Variants in TYSND1 observed in about 807,000 individuals in gnomAD.
TYSND1 encodes peroxisomal leader peptide-processing protease.
Under a neutral mutation model 37.2 loss-of-function variants are expected in TYSND1, and 30 were observed. The observed-to-expected ratio is 0.81, with a 90% CI of 0.60 to 1.09. The LOEUF (loss-of-function observed/expected upper bound fraction) is 1.09. Ranked by LOEUF, TYSND1 falls within the 50% of genes least tolerant of loss-of-function variation. TYSND1 has a pLI of 0.00. For missense variants in TYSND1, 806 were observed against 817.4 expected (o/e 0.99, Z 0.17); for synonymous variants, 364 against 383.8 (o/e 0.95, Z 0.60).
chr10:70,145,452 C>A lies in TYSND1; in HGVS notation c.1135G>T (p.Ala379Ser). 1.4e-6 allele frequency: 2 copies of A among 1,470,622 alleles called. No individual in the cohort carries two copies. Among genetic ancestry groups the A allele is most frequent in the Non-Finnish European group, 1.8e-6 (2 of 1,112,690 alleles). The allele number at this position is 1,470,622 out of a possible 1,614,324, so 91.1% of individuals were successfully genotyped here. The change falls in exon 1 of 4, where the codon GCC (alanine) becomes TCC (serine). Residue 379 changes from alanine to serine, a missense_variant. Transcript: ENST00000287078. ...GTGGTGGAGCGCACCAGGACCCTGG[C>A]TGCTTCCCGAGGGGACACGTGCCGA... Reference protein sequence around the residue: ...TCRHVSPREAARVLVRSTTPK... With the variant: ...TCRHVSPREASRVLVRSTTPK...
chr10:70,144,897 C>T (rs368796693), intron 1 of TYSND1: 8 of 506,912 alleles, frequency 1.6e-5, no homozygotes, highest in African/African-American at 2.1e-5. Flanking sequence ...GGGCCACCCC[C>T]CTACCTTCTG....
At chr10:70,141,575 G>C (rs561458001) in intron 3 of TYSND1, among the ~76,000 whole-genome samples, 1 of 152,074 alleles carries the variant, frequency 6.6e-6, no homozygotes, top group South Asian at 2.1e-4. Flanking sequence ...ACACATTATT[G>C]GGAAGAATAC....
rs1485080663 is a variant in TYSND1 at position 70,146,639 on chromosome 10, G to A, written c.-53C>T. 2 of 1,444,846 alleles carry A rather than the reference G, an allele frequency of 1.4e-6. No homozygotes were observed. Among genetic ancestry groups the A allele is most frequent in the Non-Finnish European group, 1.8e-6 (2 of 1,102,954 alleles). 89.5% of individuals were successfully genotyped at this position (1,444,846 alleles called of 1,614,324 possible). A position where few individuals can be genotyped will look rare whatever the true frequency, so the allele number is the denominator to read the frequency against. On this transcript the variant is annotated 5_prime_UTR_variant, in exon 1 of 4. Transcript: ENST00000287078. ...TCTCCGAGAAACAGCAAGCTAGCGA[G>A]CGAGGACCCCTACCCGGTCCGGCTG... is the stretch of plus-strand genomic sequence containing the variant.
rs1228230223 is a variant in TYSND1 at position 70,145,845 on chromosome 10, C to T, written c.742G>A (p.Gly248Ser). 1 of 1,540,160 alleles carries T rather than the reference C, an allele frequency of 6.5e-7. No homozygotes were observed. Among genetic ancestry groups the T allele is most frequent in the South Asian group, 1.2e-5 (1 of 83,642 alleles). ...CGTGCGTCGGTAAGCAGCAGTGGGC[C>T]GGCCACGTTGCTGAGCACCCCGCAG... ...LSCGVLSNVA[G>S]PLLLTDARCL... Residue 248 changes from glycine (G) to serine (S), a missense_variant, in exon 1 of 4, where the codon GGC (glycine) becomes AGC (serine). This residue lies in a region of TYSND1 where 708 missense variants were observed against 705.4 expected (regional missense o/e 1.00). Transcript: ENST00000287078.
In TYSND1 at chr10:70,146,663, T is replaced by G; in HGVS notation, c.-77A>C. On this transcript the variant is annotated 5_prime_UTR_variant, in exon 1 of 4. Transcript: ENST00000287078. The stretch of plus-strand genomic sequence containing the variant: ...AGCGAGGACCCCTACCCGGTCCGGC[T>G]GAAGCTGCCTAGCGCCACCCACAGC... 2 of 1,358,222 alleles carry G rather than the reference T, an allele frequency of 1.5e-6. No individual in the cohort carries two copies. Among genetic ancestry groups the G allele is most frequent in the Non-Finnish European group, 9.6e-7 (1 of 1,042,022 alleles). 84.1% of individuals were successfully genotyped at this position (1,358,222 alleles called of 1,614,324 possible). A position where few individuals can be genotyped will look rare whatever the true frequency, so the allele number is the denominator to read the frequency against.
rs1283269603 is a variant in TYSND1 at position 70,145,876 on chromosome 10, C to CG, written c.710dup (p.Leu238AlafsTer171). 3.8e-5 allele frequency: 59 copies of CG among 1,546,216 alleles called. No individual in the cohort carries two copies. Among genetic ancestry groups the CG allele is most frequent in the Non-Finnish European group, 4.5e-5 (51 of 1,145,356 alleles). Reference sequence around the variant, plus strand: ...CGTTGCTGAGCACCCCGCAGCTCAGCGTGTTGAGAAAGATGTCGGGGCAGA... The same window carrying CG: ...CGTTGCTGAGCACCCCGCAGCTCAGCGGTGTTGAGAAAGATGTCGGGGCAGA... On this transcript the variant is annotated frameshift_variant, in exon 1 of 4. Coordinates refer to ENST00000287078, the MANE Select transcript of TYSND1 (RefSeq NM_173555.4). LOFTEE classifies it high-confidence loss of function.
rs1589858096 is a variant in TYSND1, at chr10:70,139,027, T to C, written c.*897A>G. The C allele has an allele frequency of 1.3e-5, 2 of 149,768 alleles. No homozygotes were observed. Among genetic ancestry groups the C allele is most frequent in the East Asian group, 3.9e-4 (2 of 5,064 alleles). The allele number at this position is 149,768 out of a possible 1,614,324, so 9.3% of individuals were successfully genotyped here. A position where few individuals can be genotyped will look rare whatever the true frequency, so the allele number is the denominator to read the frequency against. ...CAGGAGGTCTCCTGGAGCCCAGGAGTTTGAGGCTGCAGTGAGCTGTGATCG... is the reference window on the plus strand; with the variant it reads ...CAGGAGGTCTCCTGGAGCCCAGGAGCTTGAGGCTGCAGTGAGCTGTGATCG... On this transcript the variant is annotated 3_prime_UTR_variant, in exon 4 of 4. Coordinates refer to ENST00000287078, the MANE Select transcript of TYSND1 (RefSeq NM_173555.4).
intron 1 of TYSND1, chr10:70,144,350 A>C: frequency 1.7e-6 from 1 of 601,408 alleles, no homozygotes; most frequent in Non-Finnish European, 2.1e-6. Flanking sequence ...AACATTCCCA[A>C]CACCAAACAA....
chr10:70,140,292 G>T, intron 3 of TYSND1, 151 bp from the exon 4 acceptor site: 2 of 617,478 alleles, frequency 3.2e-6, no homozygotes, highest in Non-Finnish European at 5.7e-6. Context: ...TTCTAGACAT[G>T]AACACCTGCT....
chr10:70,139,237 C>T lies in TYSND1; in HGVS notation c.*687G>A, dbSNP rs1017436809. The T allele has an allele frequency of 4.6e-5, 7 of 152,556 alleles. No individual in the cohort carries two copies. Among genetic ancestry groups the T allele is most frequent in the Non-Finnish European group, 8.8e-5 (6 of 68,034 alleles). The allele number at this position is 152,556 out of a possible 1,614,324, so 9.5% of individuals were successfully genotyped here. ...TCAATAGATCATGTTTATTCCCAAGCCCCAACCAGACATGTTCTACCCCTC... is the reference window on the plus strand; with the variant it reads ...TCAATAGATCATGTTTATTCCCAAGTCCCAACCAGACATGTTCTACCCCTC... On this transcript the variant is annotated 3_prime_UTR_variant, in exon 4 of 4. Coordinates refer to ENST00000287078, the MANE Select transcript of TYSND1 (RefSeq NM_173555.4).
intron 2 of TYSND1, 99 bp downstream of exon 2, chr10:70,143,743 T>A: frequency 6.8e-7 from 1 of 1,480,494 alleles, no homozygotes; most frequent in Non-Finnish European, 9.2e-7. Flanking sequence ...TGACCAATGC[T>A]ACCCTGACTT....
At chr10:70,143,287 G>A (rs1445195142) in intron 2 of TYSND1, among the ~76,000 whole-genome samples, 1 of 152,182 alleles carries the variant, frequency 6.6e-6, no homozygotes, top group African/African-American at 2.4e-5. Flanking sequence ...CAGGGTATGG[G>A]GGTAAGTGCT....
At position 70,145,529 on chromosome 10, in the gene TYSND1, CCG is replaced by C; in HGVS notation, c.1056_1057del (p.Cys352TrpfsTer56). On this transcript the variant is annotated frameshift_variant, in exon 1 of 4. Transcript: ENST00000287078. LOFTEE classifies it high-confidence loss of function. Reference sequence around the variant, plus strand: ...AGCCACTCCGGAGCCCCATACGGTGCCGCACTCCACCAACACTGCCGCGGCTG... The same window carrying C: ...AGCCACTCCGGAGCCCCATACGGTGCCACTCCACCAACACTGCCGCGGCTG... 1 of 1,519,466 alleles carries C rather than the reference CCG, an allele frequency of 6.6e-7. No individual in the cohort carries two copies. The highest frequency in any genetic ancestry group is 8.8e-7 in the Non-Finnish European group (1 of 1,140,482). The allele number at this position is 1,519,466 out of a possible 1,614,324, so 94.1% of individuals were successfully genotyped here.
chr10:70,140,670 C>T (rs2072755912), intron 3 of TYSND1, among the ~76,000 whole-genome samples: 1 of 152,160 alleles, frequency 6.6e-6, no homozygotes, highest in Non-Finnish European at 1.5e-5. Flanking sequence ...ATTCTATATA[C>T]CCTTTGACCA....
At chr10:70,143,117 C>T (rs772379411) in intron 2 of TYSND1, among the ~76,000 whole-genome samples, 50 of 152,192 alleles carry the variant, frequency 3.3e-4, no homozygotes, top group Admixed American at 1.3e-3. Context: ...CCTGGACAGG[C>T]GGGGCAGTGA....
In TYSND1 at chr10:70,146,427, C is replaced by A. The variant is rs778466834; in HGVS notation, c.160G>T (p.Val54Phe). 1 of 1,602,112 alleles carries A rather than the reference C, an allele frequency of 6.2e-7. No homozygotes were observed. The highest frequency in any genetic ancestry group is 8.5e-7 in the Non-Finnish European group (1 of 1,178,144). Residue 54 changes from valine to phenylalanine, a missense_variant, in exon 1 of 4, where the codon GTC (valine) becomes TTC (phenylalanine). By Grantham distance (50) the Val-to-Phe change is conservative. This residue lies in a region of TYSND1 where 84 missense variants were observed against 79.0 expected (regional missense o/e 1.06). Coordinates refer to ENST00000287078, the MANE Select transcript of TYSND1 (RefSeq NM_173555.4). ...TCGCTGCCAGCTCGCAGGAAGGGGA[C>A]GAAGATGCCCCCGTGGCAAAGCACC... The part of the protein sequence containing the change: ...GLVLCHGGIF[V>F]PFLRAGSEVL...
Position 70,145,793 on chromosome 10 carries a change from C to A in TYSND1, c.794G>T (p.Gly265Val). 1 of 1,491,618 alleles carries A rather than the reference C, an allele frequency of 6.7e-7. No individual in the cohort carries two copies. Among genetic ancestry groups the A allele is most frequent in the Non-Finnish European group, 8.9e-7 (1 of 1,126,062 alleles). 92.4% of individuals were successfully genotyped at this position (1,491,618 alleles called of 1,614,324 possible). A position where few individuals can be genotyped will look rare whatever the true frequency, so the allele number is the denominator to read the frequency against. ...CCCCGCGGGCCGCGCGGTGAACACG[C>A]CGCCGCCCTCGGTGCCGGGCAGGCA... is the stretch of plus-strand genomic sequence containing the variant. ...ARCLPGTEGG[G>V]VFTARPAGAL... is the part of the protein sequence containing the mutation. The change falls in exon 1 of 4, where the codon GGC becomes GTC. Residue 265 changes from glycine to valine, a missense_variant. This residue lies in a region of TYSND1 where 708 missense variants were observed against 705.4 expected (regional missense o/e 1.00). Transcript: ENST00000287078.
At position 70,140,088 on chromosome 10, in the gene TYSND1, G is replaced by T; in HGVS notation, c.1537C>A (p.Leu513Met). 1 of 1,613,978 alleles carries T rather than the reference G, an allele frequency of 6.2e-7. No individual in the cohort carries two copies. Among genetic ancestry groups the T allele is most frequent in the Non-Finnish European group, 8.5e-7 (1 of 1,179,830 alleles). ...ACCGTGATGGGAATGCTGAAGTTCA[G>T]GTGGGGGTAGGTGGCCCCCGTATTA... ...DNNTGATYPHLNFSIPITVLQ... is the reference protein window; with the variant it reads ...DNNTGATYPHMNFSIPITVLQ... The change falls in exon 4 of 4, where the codon CTG becomes ATG. Residue 513 changes from leucine (L) to methionine (M), a missense_variant. Transcript: ENST00000287078.
rs147866017 is a variant in TYSND1, at chr10:70,139,880, A to G, written c.*44T>C. The G allele has an allele frequency of 7.2e-5, 114 of 1,573,110 alleles. No homozygotes were observed. The highest frequency in any genetic ancestry group is 9.9e-5 in the Non-Finnish European group (114 of 1,153,650). ...CCGTCACCTCAACATCACTTCCTAC[A>G]GCAGAAAAAGGTCACTCTTCTTTCC... is the stretch of plus-strand genomic sequence containing the variant. On this transcript the variant is annotated 3_prime_UTR_variant, in exon 4 of 4. Transcript: ENST00000287078.
Sources: gnomAD v4.1 joint callset for allele counts (sites outside exome capture counted in the v4.1 genomes callset) on GRCh38, gnomAD v4.1.1 for gene constraint, gnomAD v4.1.1 regional missense constraint, MANE v1.5 for transcripts, NCBI Gene and HGNC (gene_info 2026-07-23, HGNC 2026-07-21) for gene names.